NKAIN2: variants seen among roughly 807,000 people sequenced by gnomAD.
NKAIN2 encodes sodium/potassium-transporting ATPase subunit beta-1-interacting protein 2.
A neutral mutation model predicts 32.6 loss-of-function variants in NKAIN2; 14 were observed. The observed-to-expected ratio is 0.43, with a 90% CI of 0.28 to 0.67. The LOEUF is 0.67. Ranked by LOEUF, NKAIN2 falls within the 30% of genes least tolerant of loss-of-function variation. The pLI is 0.17. For missense variants in NKAIN2, 198 were observed against 258.3 expected (o/e 0.77, Z 1.60); for synonymous variants, 80 against 87.2 (o/e 0.92, Z 0.46).
At chr6:124,618,902 T>G (rs538766010) in intron 3 of NKAIN2, among the ~76,000 whole-genome samples, 1 of 152,300 alleles carries the variant, frequency 6.6e-6, no homozygotes, top group African/African-American at 2.4e-5. Context: ...ATAGTTTGTT[T>G]TGGCATTATT....
intron 1 of NKAIN2, among the ~76,000 whole-genome samples, chr6:123,896,430 A>C (rs975201156): frequency 2.0e-5 from 3 of 152,188 alleles, no homozygotes; most frequent in Non-Finnish European, 2.9e-5. Context: ...TATTCAAGTC[A>C]GTATTTAAAT....
intron 3 of NKAIN2, among the ~76,000 whole-genome samples, chr6:124,617,863 G>A (rs1782964903): frequency 6.6e-6 from 1 of 152,062 alleles, no homozygotes; most frequent in South Asian, 2.1e-4. Context: ...TTATAACTAG[G>A]AATAATTCAA....
intron 1 of NKAIN2, among the ~76,000 whole-genome samples, chr6:124,227,004 C>T (rs1792149667): frequency 6.6e-6 from 1 of 150,758 alleles, no homozygotes; most frequent in Admixed American, 6.6e-5. Context: ...GCTGAAACCA[C>T]ACATTTATAC....
At position 124,410,093 on chromosome 6, in the gene NKAIN2, T is replaced by C. The variant is rs531388182; in HGVS notation, c.273+54746T>C. Among the ~76,000 whole-genome samples the C allele has an allele frequency of 7.2e-5, 11 of 152,336 alleles. No individual in the cohort carries two copies. In the South Asian group the frequency reaches 1.9e-3, roughly 26 times the overall value. On this transcript the variant is annotated intron_variant, in intron 3 of 6. Transcript: ENST00000368417. ...TCTGATTCTTCTCTCTTTTCTTCTT[T>C]ATTAGTCTTGCTAGTGGTCTATCAA...
chr6:123,961,168 A>T lies in NKAIN2; in HGVS notation c.54+156914A>T, dbSNP rs766116707. Among the ~76,000 whole-genome samples, 10 of 152,080 alleles carry T rather than the reference A, an allele frequency of 6.6e-5. 1 individual carries two copies. Among genetic ancestry groups the T allele is most frequent in the Non-Finnish European group, 8.8e-5 (6 of 68,012 alleles). On this transcript the variant is annotated intron_variant, in intron 1 of 6. Transcript: ENST00000368417. Reference sequence around the variant, plus strand: ...TGGCAACCATAAATCTGGAAGTGACATTCTAGTAAAGAAGACAAAGCAGAA... The same window carrying T: ...TGGCAACCATAAATCTGGAAGTGACTTTCTAGTAAAGAAGACAAAGCAGAA...
At chr6:124,817,600 T>C (rs1310974885) in intron 5 of NKAIN2, among the ~76,000 whole-genome samples, 4 of 152,150 alleles carry the variant, frequency 2.6e-5, no homozygotes, top group Admixed American at 1.3e-4. Flanking sequence ...ATTTATAGCA[T>C]AGTCAAAGCT....
intron 1 of NKAIN2, among the ~76,000 whole-genome samples, chr6:123,933,131 C>A (rs751263571): frequency 7.2e-5 from 11 of 152,140 alleles, no homozygotes; most frequent in Non-Finnish European, 1.3e-4. Flanking sequence ...AAATATGGGA[C>A]CCCTTGTTCA....
chr6:123,899,793 A>C (rs1477358869), intron 1 of NKAIN2, among the ~76,000 whole-genome samples: 1 of 152,106 alleles, frequency 6.6e-6, no homozygotes, highest in Non-Finnish European at 1.5e-5. Flanking sequence ...TTGGGGTCTT[A>C]GGCCCTTGTT....
At chr6:124,273,031 G>A (rs781644419) in intron 1 of NKAIN2, among the ~76,000 whole-genome samples, 1 of 152,190 alleles carries the variant, frequency 6.6e-6, no homozygotes, top group Non-Finnish European at 1.5e-5. Context: ...ATAGGTGGAA[G>A]GAAATTGCCT....
chr6:124,328,246 A>G (rs539717139), intron 2 of NKAIN2, among the ~76,000 whole-genome samples: 1 of 152,250 alleles, frequency 6.6e-6, no homozygotes, highest in Non-Finnish European at 1.5e-5. Context: ...TGGAATATAA[A>G]CCTTTAAAAC....
chr6:124,431,235 C>A (rs1339167092), intron 3 of NKAIN2, among the ~76,000 whole-genome samples: 4 of 151,922 alleles, frequency 2.6e-5, no homozygotes, highest in Non-Finnish European at 5.9e-5. Flanking sequence ...ACTGATTTTT[C>A]TTGGTCCCTC....
At chr6:124,024,481 G>A (rs139460055) in intron 1 of NKAIN2, among the ~76,000 whole-genome samples, 22 of 152,130 alleles carry the variant, frequency 1.4e-4, no homozygotes, top group Middle Eastern at 3.4e-3. Flanking sequence ...AATAAAGAAA[G>A]GGGAAAAATA....
Position 123,960,257 on chromosome 6 carries a change from G to A in NKAIN2, c.54+156003G>A, listed in dbSNP as rs770016324. 2.9e-4 allele frequency among the ~76,000 whole-genome samples: 44 copies of A among 152,132 alleles called. 1 individual carries two copies. The highest frequency in any genetic ancestry group is 8.5e-4 in the Admixed American group (13 of 15,268). ...GATTGGCTAATGGCCATCAGGTTGC[G>A]GTCTCTGGTTAAATGCTAACGGGCA... On this transcript the variant is annotated intron_variant, in intron 1 of 6. Coordinates refer to ENST00000368417, the MANE Select transcript of NKAIN2 (RefSeq NM_001040214.3).
At chr6:124,528,757 C>G (rs961359511) in intron 3 of NKAIN2, among the ~76,000 whole-genome samples, 2 of 152,086 alleles carry the variant, frequency 1.3e-5, no homozygotes, top group African/African-American at 4.8e-5. Flanking sequence ...GTACCTATTA[C>G]TTAAACAAGT....
At chr6:124,039,541 A>C (rs1415210261) in intron 1 of NKAIN2, among the ~76,000 whole-genome samples, 1 of 151,870 alleles carries the variant, frequency 6.6e-6, no homozygotes, top group Non-Finnish European at 1.5e-5. Flanking sequence ...ATTAATTGAC[A>C]TGTATTGTTT....
At chr6:123,998,275 G>C (rs923505303) in intron 1 of NKAIN2, among the ~76,000 whole-genome samples, 2 of 152,076 alleles carry the variant, frequency 1.3e-5, no homozygotes, top group Non-Finnish European at 2.9e-5. Flanking sequence ...GGGAAAAATA[G>C]GTATCTAATG....
At chr6:123,930,611 T>C (rs370491478) in intron 1 of NKAIN2, among the ~76,000 whole-genome samples, 1 of 152,178 alleles carries the variant, frequency 6.6e-6, no homozygotes, top group South Asian at 2.1e-4. Flanking sequence ...TTGTACAAGT[T>C]ATATATTAGA....
intron 3 of NKAIN2, among the ~76,000 whole-genome samples, chr6:124,525,514 TAGTA>T (rs1779277996): frequency 6.6e-6 from 1 of 152,228 alleles, no homozygotes; most frequent in East Asian, 1.9e-4. Flanking sequence ...CATAATAACT[TAGTA>T]AGGGGCAGAA....
chr6:124,121,283 C>T (rs1420304162), intron 1 of NKAIN2, among the ~76,000 whole-genome samples: 1 of 151,964 alleles, frequency 6.6e-6, no homozygotes, highest in Non-Finnish European at 1.5e-5. Context: ...CAGCAATGAT[C>T]TGTAAGTTGT....
Sources: allele counts gnomAD v4.1 joint callset (sites outside exome capture counted in the v4.1 genomes callset), GRCh38; gene constraint gnomAD v4.1.1; transcripts MANE v1.5; gene names NCBI Gene and HGNC (gene_info 2026-07-23, HGNC 2026-07-21).